Variants in MYO1B observed in about 807,000 individuals in gnomAD.
MYO1B encodes the protein unconventional myosin-Ib.
A neutral mutation model predicts 159.7 loss-of-function variants in MYO1B; 72 were observed. The observed-to-expected ratio is 0.45, with a 90% CI of 0.37 to 0.55. MYO1B has a LOEUF of 0.55. MYO1B is among the 20% of genes least tolerant of loss of function. The pLI is 0.00. For synonymous variants in MYO1B, 468 were observed against 473.8 expected (o/e 0.99, Z 0.16); for missense variants, 1,062 against 1,364.8 (o/e 0.78, Z 3.50).
intron 27 of MYO1B, among the ~76,000 whole-genome samples, 187 bp downstream of exon 27, chr2:191,411,359 T>A (rs147523587): frequency 1.7e-3 from 265 of 152,350 alleles, no homozygotes; most frequent in African/African-American, 6.3e-3. Flanking sequence ...TGCAGTTTAA[T>A]GAAATGAGGT....
intron 27 of MYO1B, among the ~76,000 whole-genome samples, chr2:191,412,477 C>T (rs895219927): frequency 1.6e-4 from 25 of 152,192 alleles, no homozygotes; most frequent in African/African-American, 5.8e-4. Flanking sequence ...TATCAGTTTT[C>T]AGGGATAGTG....
chr2:191,321,811 T>C (rs1287554167), intron 3 of MYO1B, among the ~76,000 whole-genome samples: 1 of 152,134 alleles, frequency 6.6e-6, no homozygotes, highest in African/African-American at 2.4e-5. Flanking sequence ...CCCCTTTTTA[T>C]GGGGGAACTT....
intron 15 of MYO1B, among the ~76,000 whole-genome samples, chr2:191,385,089 G>T (rs1695323649): frequency 6.6e-6 from 1 of 152,138 alleles, no homozygotes; most frequent in Non-Finnish European, 1.5e-5. Context: ...ATTGTTTTTG[G>T]AATTAAGACT....
At chr2:191,419,018 G>T (rs183229873) in intron 30 of MYO1B, among the ~76,000 whole-genome samples, 276 of 152,306 alleles carry the variant, frequency 1.8e-3, no homozygotes, top group African/African-American at 5.5e-3. Context: ...TTGTAATGGA[G>T]CTGAAAAATT....
intron 22 of MYO1B, 33 bp from the exon 23 acceptor site, chr2:191,400,716 C>A: frequency 1.2e-6 from 2 of 1,610,406 alleles, no homozygotes; most frequent in Non-Finnish European, 1.7e-6. Flanking sequence ...CTGCCTTAAA[C>A]TTTTCTGTAA....
intron 3 of MYO1B, among the ~76,000 whole-genome samples, chr2:191,318,627 T>C (rs543324557): frequency 6.6e-6 from 1 of 152,316 alleles, no homozygotes; most frequent in South Asian, 2.1e-4. Context: ...TACGTAGTAA[T>C]AAATACCAAC....
intron 9 of MYO1B, among the ~76,000 whole-genome samples, chr2:191,362,605 G>A (rs189894387): frequency 7.2e-5 from 11 of 152,204 alleles, no homozygotes. Context: ...ATCATAAGGA[G>A]CTTTCTTATT....
chr2:191,265,964 T>C (rs1346102869), intron 1 of MYO1B, among the ~76,000 whole-genome samples: 1 of 151,198 alleles, frequency 6.6e-6, no homozygotes, highest in Non-Finnish European at 1.5e-5. Context: ...GGGGTCCATG[T>C]TGAGGGGGTG....
chr2:191,288,167 TG>T (rs1220738343), intron 2 of MYO1B, among the ~76,000 whole-genome samples: 1 of 151,684 alleles, frequency 6.6e-6, no homozygotes, highest in African/African-American at 2.4e-5. Flanking sequence ...GCTATAAACA[TG>T]GGTGTGCAGA....
intron 2 of MYO1B, among the ~76,000 whole-genome samples, chr2:191,289,981 T>G (rs1688602135): frequency 6.6e-6 from 1 of 152,260 alleles, no homozygotes; most frequent in Non-Finnish European, 1.5e-5. Flanking sequence ...TATTGAGACT[T>G]ACATAATATT....
At chr2:191,401,095 A>C (rs898869770) in intron 23 of MYO1B, among the ~76,000 whole-genome samples, 1 of 152,052 alleles carries the variant, frequency 6.6e-6, no homozygotes, top group Non-Finnish European at 1.5e-5. Context: ...AAAACAAAAC[A>C]ACTCTTAAAT....
chr2:191,382,370 C>T (rs1326364090), intron 14 of MYO1B, among the ~76,000 whole-genome samples: 3 of 152,130 alleles, frequency 2.0e-5, no homozygotes, highest in Admixed American at 1.3e-4. Flanking sequence ...CTTAGTAAAA[C>T]AACCCATTTA....
chr2:191,275,157 G>C lies in MYO1B; in HGVS notation c.-9-1730G>C, dbSNP rs961960532. On this transcript the variant is annotated intron_variant, in intron 1 of 30. Transcript: ENST00000392318. The stretch of plus-strand genomic sequence containing the variant: ...CTGACCTCATGATCCACCTGCCTCA[G>C]CCTCCCAAAGTGCTGGGATTACAGG... 7.2e-5 allele frequency among the ~76,000 whole-genome samples: 11 copies of C among 152,256 alleles called. No individual in the cohort carries two copies. In the East Asian group the frequency reaches 2.1e-3, roughly 29 times the overall value.
At chr2:191,345,578 A>G (rs1463651960) in intron 5 of MYO1B, among the ~76,000 whole-genome samples, 2 of 152,154 alleles carry the variant, frequency 1.3e-5, no homozygotes, top group Non-Finnish European at 2.9e-5. Flanking sequence ...CTAAGATTGG[A>G]ACATTTGTAT....
rs182329895 is a variant in MYO1B at position 191,306,363 on chromosome 2, G to T, written c.251+10137G>T. On this transcript the variant is annotated intron_variant, in intron 3 of 30. Transcript: ENST00000392318. Reference sequence around the variant, plus strand: ...CATGGCACATCAGTGATCTAAGTTCGTGTGGTTTCCTAAGGTTGGAACCTA... The same window carrying T: ...CATGGCACATCAGTGATCTAAGTTCTTGTGGTTTCCTAAGGTTGGAACCTA... 6.6e-5 allele frequency among the ~76,000 whole-genome samples: 10 copies of T among 152,258 alleles called. No individual in the cohort carries two copies. In the East Asian group the frequency reaches 1.9e-3, roughly 29 times the overall value.
chr2:191,337,903 A>G (rs1328176318), intron 4 of MYO1B, among the ~76,000 whole-genome samples: 4 of 152,180 alleles, frequency 2.6e-5, no homozygotes, highest in African/African-American at 9.7e-5. Context: ...ATAAGTATAT[A>G]AATATTTGAA....
intron 6 of MYO1B, among the ~76,000 whole-genome samples, chr2:191,348,663 T>C (rs1312828590): frequency 6.6e-6 from 1 of 152,188 alleles, no homozygotes; most frequent in East Asian, 1.9e-4. Flanking sequence ...CTCTCAATTC[T>C]GTTTACTTTT....
intron 1 of MYO1B, among the ~76,000 whole-genome samples, chr2:191,254,934 G>A (rs1180831535): frequency 6.6e-6 from 1 of 152,052 alleles, no homozygotes; most frequent in Admixed American, 6.5e-5. Context: ...TTTTGTTTTT[G>A]TTTTTGTTTT....
At chr2:191,402,345 G>A (rs1696667313) in intron 23 of MYO1B, 6 of 408,660 alleles carry the variant, frequency 1.5e-5, no homozygotes, top group South Asian at 1.4e-4. Flanking sequence ...CAGAGAGAGA[G>A]AACAGGAGAA....
Sources: allele counts gnomAD v4.1 joint callset (sites outside exome capture counted in the v4.1 genomes callset), GRCh38; gene constraint gnomAD v4.1.1; transcripts MANE v1.5; gene names NCBI Gene and HGNC (gene_info 2026-07-23, HGNC 2026-07-21).